The following TRAK1 variants were observed in gnomAD, a reference collection of about 807,000 sequenced individuals.
The protein encoded by TRAK1 is trafficking kinesin protein 1, also known as trafficking kinesin-binding protein 1.
In TRAK1, 33 loss-of-function variants were observed where a neutral mutation model predicts 92.1. The ratio of observed to expected loss-of-function variants is 0.36; its 90% CI spans 0.27 to 0.48. The LOEUF (loss-of-function observed/expected upper bound fraction) is 0.48, where lower values mean the gene tolerates loss of function less well. TRAK1 is among the 20% of genes least tolerant of loss of function. TRAK1 has a pLI of 0.99. For missense variants in TRAK1, 1,123 were observed against 1,257.9 expected (o/e 0.89, Z 1.62); for synonymous variants, 521 against 517.3 (o/e 1.01, Z -0.10).
chr3:42,098,147 T>G lies in TRAK1; in HGVS notation c.91+6587T>G, dbSNP rs375416437. Among the ~76,000 whole-genome samples the G allele has an allele frequency of 9.2e-5, 14 of 152,146 alleles. No homozygotes were observed. The East Asian group carries it at 2.1e-3, about 23-fold the overall frequency. On this transcript the variant is annotated intron_variant, in intron 1 of 15. Transcript: ENST00000327628. ...CCCCTTGCTGTCTCCTTTCTTCTCT[T>G]CCTCCATCCCCACTCCCCTCCTTTC...
chr3:42,103,569 G>A (rs1277907354), intron 1 of TRAK1, among the ~76,000 whole-genome samples: 6 of 152,262 alleles, frequency 3.9e-5, no homozygotes, highest in East Asian at 1.9e-4. Context: ...GTGGGGGATC[G>A]TTCTTGAGTG....
At chr3:42,219,302 A>C (rs1264165787) in intron 14 of TRAK1, 192 bp from the exon 15 acceptor site, 2 of 984,740 alleles carry the variant, frequency 2.0e-6, no homozygotes, top group African/African-American at 1.8e-5. Context: ...TCTGCAGACC[A>C]GTGCTCAAAA....
chr3:42,138,399 A>C (rs1698220373), intron 2 of TRAK1, among the ~76,000 whole-genome samples: 1 of 152,220 alleles, frequency 6.6e-6, no homozygotes, highest in Non-Finnish European at 1.5e-5. Context: ...TAGGTGCCTA[A>C]TGAATGCTTC....
At chr3:42,186,408 C>G (rs966387213) in intron 4 of TRAK1, among the ~76,000 whole-genome samples, 6 of 152,126 alleles carry the variant, frequency 3.9e-5, no homozygotes, top group Non-Finnish European at 5.9e-5. Context: ...CTGGGTTTAA[C>G]AGTAGTTTTA....
chr3:42,200,904 C>A lies in TRAK1; in HGVS notation c.1277C>A (p.Pro426His), dbSNP rs753198489. ...CTGACCCCTTCTCCCATGAACATCC[C>A]CGGCTCCAACCAGTCCTCGGCCATG... ...RSLTPSPMNI[P>H]GSNQSSAMNS... Residue 426 changes from proline to histidine, a missense_variant, in exon 12 of 16, where the codon CCC becomes CAC. By Grantham distance (77) the Pro-to-His change is moderately conservative (BLOSUM62 -2). Around this residue, in one of 3 missense-constraint regions of TRAK1, gnomAD observed 686 missense variants for 747.6 expected, o/e 0.92. Coordinates refer to ENST00000327628, the MANE Select transcript of TRAK1 (RefSeq NM_001042646.3). The A allele has an allele frequency of 5.0e-6, 8 of 1,614,042 alleles. No individual in the cohort carries two copies. Among genetic ancestry groups the A allele is most frequent in the Non-Finnish European group, 1.7e-6 (2 of 1,180,048 alleles).
chr3:42,193,690 A>G (rs1706159205), intron 8 of TRAK1, 134 bp from the exon 9 acceptor site: 1 of 967,018 alleles, frequency 1.0e-6, no homozygotes, highest in South Asian at 1.4e-5. Context: ...TAATATAAAA[A>G]GCAGAATTTG....
intron 1 of TRAK1, among the ~76,000 whole-genome samples, chr3:42,071,675 T>G (rs1703938037): frequency 6.7e-6 from 1 of 150,080 alleles, no homozygotes; most frequent in Non-Finnish European, 1.5e-5. Flanking sequence ...ACTATTGCAC[T>G]CTAGTCTGGA....
intron 1 of TRAK1, among the ~76,000 whole-genome samples, chr3:42,124,822 G>A (rs1710351610): frequency 6.6e-6 from 1 of 152,220 alleles, no homozygotes; most frequent in Non-Finnish European, 1.5e-5. Flanking sequence ...GGCACCTATT[G>A]GTGTGATTGC....
intron 4 of TRAK1, among the ~76,000 whole-genome samples, chr3:42,186,264 G>A (rs1704835025): frequency 6.6e-6 from 1 of 152,170 alleles, no homozygotes. Context: ...TTACAGGTGT[G>A]AGCCCCTGCG....
At chr3:42,094,158 G>T (rs1330179827) in intron 1 of TRAK1, among the ~76,000 whole-genome samples, 1 of 152,182 alleles carries the variant, frequency 6.6e-6, no homozygotes, top group Middle Eastern at 3.2e-3. Context: ...CTCAGCCAAG[G>T]TCTGTTGTAG....
chr3:42,188,192 G>T (rs990137166), intron 5 of TRAK1, 47 bp downstream of exon 5: 2 of 1,589,404 alleles, frequency 1.3e-6, no homozygotes, highest in African/African-American at 1.3e-5. Flanking sequence ...GCACAGGCTG[G>T]CCGCTGTTGA....
At chr3:42,169,802 G>T (rs1702324814) in intron 2 of TRAK1, among the ~76,000 whole-genome samples, 1 of 152,190 alleles carries the variant, frequency 6.6e-6, no homozygotes, top group African/African-American at 2.4e-5. Flanking sequence ...GATCAAAAGT[G>T]CTTTGCCAAA....
chr3:42,020,694 A>G (rs143578391), intron 1 of TRAK1, among the ~76,000 whole-genome samples: 349 of 152,320 alleles, frequency 2.3e-3, no homozygotes, highest in African/African-American at 8.0e-3. Context: ...TTTAGTAAAA[A>G]TTAAGTTTTC....
intron 13 of TRAK1, chr3:42,203,444 C>T (rs553067231): frequency 1.3e-5 from 13 of 983,608 alleles, no homozygotes; most frequent in South Asian, 4.7e-5. Flanking sequence ...GATGATTAAA[C>T]TCATGGGAAA....
chr3:42,194,283 C>T (rs1052052539), intron 9 of TRAK1, among the ~76,000 whole-genome samples: 6 of 152,166 alleles, frequency 3.9e-5, no homozygotes, highest in Admixed American at 2.0e-4. Context: ...CTCATTCTGT[C>T]ACCCAGGCTG....
chr3:42,105,085 G>A (rs181307575), intron 1 of TRAK1, among the ~76,000 whole-genome samples: 272 of 151,940 alleles, frequency 1.8e-3, no homozygotes, highest in Non-Finnish European at 2.8e-3. Context: ...CCAAGTAGCT[G>A]GGATTACAGG....
chr3:42,204,087 G>A (rs1708042000), intron 13 of TRAK1: 1 of 985,554 alleles, frequency 1.0e-6, no homozygotes, highest in Non-Finnish European at 1.2e-6. Context: ...AAAAGGTATA[G>A]CTTACTCTTT....
intron 1 of TRAK1, among the ~76,000 whole-genome samples, chr3:42,121,317 T>A (rs1406869991): frequency 6.7e-6 from 1 of 149,062 alleles, no homozygotes; most frequent in African/African-American, 2.5e-5. Flanking sequence ...TGGAGTGCAG[T>A]GGCGCAGTCT....
At position 42,184,607 on chromosome 3, in the gene TRAK1, AT is replaced by A. The variant is rs371631407; in HGVS notation, c.364-75del. 12 of 1,357,204 alleles carry A rather than the reference AT, an allele frequency of 8.8e-6. No homozygotes were observed. In the African/African-American group the frequency reaches 1.2e-4, roughly 13 times the overall value. The allele number at this position is 1,357,204 out of a possible 1,614,324, so 84.1% of individuals were successfully genotyped here. On this transcript the variant is annotated intron_variant, in intron 3 of 15. Transcript: ENST00000327628. Reference sequence around the variant, plus strand: ...ATTTCTAGATGCTTATGTTTTCCTCATTTGACACTGAGCACCATTGACTCCT... The same window carrying A: ...ATTTCTAGATGCTTATGTTTTCCTCATTGACACTGAGCACCATTGACTCCT...
Sources: gnomAD v4.1 joint callset for allele counts (sites outside exome capture counted in the v4.1 genomes callset) on GRCh38, gnomAD v4.1.1 for gene constraint, gnomAD v4.1.1 regional missense constraint, MANE v1.5 for transcripts, NCBI Gene and HGNC (gene_info 2026-07-23, HGNC 2026-07-21) for gene names.